Variants in RXFP1 observed in about 807,000 individuals in gnomAD.
RXFP1 encodes relaxin receptor 1.
In RXFP1, 73 loss-of-function variants were observed where a neutral mutation model predicts 89.8. The ratio of observed to expected loss-of-function variants is 0.81; its 90% CI spans 0.67 to 0.99. The LOEUF (loss-of-function observed/expected upper bound fraction) is 0.99. Among genes scored for constraint, RXFP1 ranks in the 50% least tolerant of loss-of-function variants. The pLI, the probability that RXFP1 is intolerant of heterozygous loss-of-function variation, is 0.00. For synonymous variants in RXFP1, 277 were observed against 305.5 expected (o/e 0.91, Z 0.97); for missense variants, 793 against 895.5 (o/e 0.89, Z 1.46).
chr4:158,563,154 A>G (rs1752841238), intron 1 of RXFP1, among the ~76,000 whole-genome samples: 1 of 152,158 alleles, frequency 6.6e-6, no homozygotes, highest in South Asian at 2.1e-4. Context: ...ACTCACCCAA[A>G]AGAGGGAATT....
At chr4:158,619,247 A>T (rs895429482) in intron 9 of RXFP1, among the ~76,000 whole-genome samples, 1 of 152,190 alleles carries the variant, frequency 6.6e-6, no homozygotes, top group Non-Finnish European at 1.5e-5. Flanking sequence ...ACTGATTAAG[A>T]TATAGAAAGC....
Position 158,646,644 on chromosome 4 carries a change from A to T in RXFP1, c.1346-147A>T, listed in dbSNP as rs1459280494. The T allele has an allele frequency of 3.5e-6, 5 of 1,431,840 alleles. No individual in the cohort carries two copies. The East Asian group carries it at 1.2e-4, about 36-fold the overall frequency. The allele number at this position is 1,431,840 out of a possible 1,614,324, so 88.7% of individuals were successfully genotyped here. On this transcript the variant is annotated intron_variant, in intron 15 of 17. Coordinates refer to ENST00000307765, the MANE Select transcript of RXFP1 (RefSeq NM_021634.4). ...GTCTATGAATAGATCCTCATCTGTA[A>T]ATGAATTATTAGGAGAATAAAAATT... is the stretch of plus-strand genomic sequence containing the variant.
At chr4:158,628,205 G>T (rs1316922912) in intron 10 of RXFP1, among the ~76,000 whole-genome samples, 1 of 152,202 alleles carries the variant, frequency 6.6e-6, no homozygotes. Flanking sequence ...TCAGCTAAGA[G>T]TGGACTTCCT....
intron 1 of RXFP1, among the ~76,000 whole-genome samples, chr4:158,569,151 C>G (rs766633333): frequency 3.6e-4 from 54 of 152,106 alleles, no homozygotes; most frequent in Non-Finnish European, 7.8e-4. Context: ...TAGAAGCAAC[C>G]AAGATGTCTT....
chr4:158,573,707 C>G (rs965210196), intron 2 of RXFP1, among the ~76,000 whole-genome samples: 3 of 152,118 alleles, frequency 2.0e-5, no homozygotes, highest in African/African-American at 7.2e-5. Context: ...AAGTTTGAAC[C>G]TGGGTATGAC....
rs1244202764 is a variant in RXFP1 at position 158,652,802 on chromosome 4, T to C, written c.*747T>C. 1 of 152,184 alleles carries C rather than the reference T, an allele frequency of 6.6e-6. No individual in the cohort carries two copies. The highest frequency in any genetic ancestry group is 1.5e-5 in the Non-Finnish European group (1 of 68,030). 9.4% of individuals were successfully genotyped at this position (152,184 alleles called of 1,614,324 possible). ...GAGAAGTGGATCAGAAAAACTAGAATGAGGATAAACATTTACATTAGTGGA... is the reference window on the plus strand; with the variant it reads ...GAGAAGTGGATCAGAAAAACTAGAACGAGGATAAACATTTACATTAGTGGA... On this transcript the variant is annotated 3_prime_UTR_variant, in exon 18 of 18. Coordinates refer to ENST00000307765, the MANE Select transcript of RXFP1 (RefSeq NM_021634.4).
chr4:158,648,512 C>A lies in RXFP1; in HGVS notation c.1770C>A (p.Ala590=). ...TATTCCAAATAGGTATTAATTTGGCCGCATTTATCATCATAGTTTTTTCCT... is the reference window on the plus strand; with the variant it reads ...TATTCCAAATAGGTATTAATTTGGCAGCATTTATCATCATAGTTTTTTCCT... ...SVAIFLGINL[A]AFIIIVFSYG... The change falls in exon 17 of 18, where the codon GCC becomes GCA. Residue 590 remains alanine (A), a synonymous_variant. Coordinates refer to ENST00000307765, the MANE Select transcript of RXFP1 (RefSeq NM_021634.4). 1 of 1,590,434 alleles carries A rather than the reference C, an allele frequency of 6.3e-7. No individual in the cohort carries two copies. Among genetic ancestry groups the A allele is most frequent in the Non-Finnish European group, 8.6e-7 (1 of 1,167,334 alleles).
intron 1 of RXFP1, among the ~76,000 whole-genome samples, chr4:158,542,148 C>A: frequency 7.7e-6 from 1 of 129,630 alleles, no homozygotes; most frequent in African/African-American, 2.9e-5. Context: ...CCACATTGAC[C>A]AGGCTGGTCT....
chr4:158,636,265 A>C (rs1769134659), intron 12 of RXFP1, among the ~76,000 whole-genome samples: 1 of 152,124 alleles, frequency 6.6e-6, no homozygotes, highest in Non-Finnish European at 1.5e-5. Context: ...TTTAAAGTCT[A>C]CTTTTCATTT....
At chr4:158,636,649 A>G (rs1048216649) in intron 12 of RXFP1, among the ~76,000 whole-genome samples, 1 of 152,238 alleles carries the variant, frequency 6.6e-6, no homozygotes, top group Non-Finnish European at 1.5e-5. Context: ...AAAATTGTAT[A>G]TATTTATCAG....
At chr4:158,609,857 A>G (rs1466978094) in intron 6 of RXFP1, among the ~76,000 whole-genome samples, 1 of 152,162 alleles carries the variant, frequency 6.6e-6, no homozygotes, top group African/African-American at 2.4e-5. Context: ...GTTTGGTTTA[A>G]TGTTCAGTGA....
chr4:158,573,536 T>C (rs1216243256), intron 2 of RXFP1, among the ~76,000 whole-genome samples: 3 of 152,114 alleles, frequency 2.0e-5, no homozygotes, highest in East Asian at 1.9e-4. Context: ...TTAATGTAAG[T>C]GTATTTTATG....
At chr4:158,554,704 T>C (rs1190671478) in intron 1 of RXFP1, among the ~76,000 whole-genome samples, 1 of 151,850 alleles carries the variant, frequency 6.6e-6, no homozygotes, top group African/African-American at 2.4e-5. Context: ...CTTTTGAGAC[T>C]GGGGGCAATG....
chr4:158,646,946 T>C lies in RXFP1; in HGVS notation c.1501T>C (p.Leu501=). Residue 501 remains leucine, a synonymous_variant, in exon 16 of 18, where the codon TTA becomes CTA. Transcript: ENST00000307765. ...CATTCTGTCCACAGAAGTATCAGTTTTACTGTTAACATTTCTGACATTGGA... is the reference window on the plus strand; with the variant it reads ...CATTCTGTCCACAGAAGTATCAGTTCTACTGTTAACATTTCTGACATTGGA... The part of the protein sequence containing the change: ...LAILSTEVSV[L]LLTFLTLEKY... 1 of 1,614,196 alleles carries C rather than the reference T, an allele frequency of 6.2e-7. No individual in the cohort carries two copies. The highest frequency in any genetic ancestry group is 8.5e-7 in the Non-Finnish European group (1 of 1,180,030).
chr4:158,524,061 C>T (rs1741852493), intron 1 of RXFP1, among the ~76,000 whole-genome samples: 1 of 152,316 alleles, frequency 6.6e-6, no homozygotes, highest in East Asian at 1.9e-4. Flanking sequence ...AAATGGCAAT[C>T]AAATCCTTTA....
intron 9 of RXFP1, among the ~76,000 whole-genome samples, chr4:158,619,648 T>C (rs1765229633): frequency 6.6e-6 from 1 of 152,158 alleles, no homozygotes; most frequent in Non-Finnish European, 1.5e-5. Context: ...GAGCCCTCAT[T>C]GGTAGCACAA....
chr4:158,546,406 T>C (rs1431753220), intron 1 of RXFP1, among the ~76,000 whole-genome samples: 1 of 152,166 alleles, frequency 6.6e-6, no homozygotes, highest in East Asian at 1.9e-4. Flanking sequence ...ACAGGGACAA[T>C]TTGACTTCCT....
chr4:158,534,653 G>A (rs1240745378), intron 1 of RXFP1, among the ~76,000 whole-genome samples: 1 of 151,974 alleles, frequency 6.6e-6, no homozygotes, highest in Admixed American at 6.6e-5. Flanking sequence ...AATGTTGTCT[G>A]ATTATATCCT....
At chr4:158,606,365 G>A (rs1435270475) in intron 5 of RXFP1, among the ~76,000 whole-genome samples, 1 of 152,118 alleles carries the variant, frequency 6.6e-6, no homozygotes, top group Non-Finnish European at 1.5e-5. Context: ...ATTCCTGAAT[G>A]ACCAATTTGT....
Sources: gnomAD v4.1 joint callset for allele counts (sites outside exome capture counted in the v4.1 genomes callset) on GRCh38, gnomAD v4.1.1 for gene constraint, MANE v1.5 for transcripts, NCBI Gene and HGNC (gene_info 2026-07-23, HGNC 2026-07-21) for gene names.